DACH2: variants seen among roughly 807,000 people sequenced by gnomAD.
The protein encoded by DACH2 is dachshund family transcription factor 2.
In DACH2, 17 loss-of-function variants were observed where a neutral mutation model predicts 35.8. That is an observed-to-expected ratio of 0.48 (90% confidence interval 0.33 to 0.71). The LOEUF (loss-of-function observed/expected upper bound fraction) is 0.71. DACH2 is among the 30% of genes least tolerant of loss of function. The pLI is 0.02. For synonymous variants in DACH2, 195 were observed against 177.3 expected, an observed-to-expected ratio of 1.10 and a Z score of -0.79; for missense variants, 469 against 472.7, an observed-to-expected ratio of 0.99 and a Z score of 0.07.
chrX:86,294,345 T>G (rs938991659), intron 1 of DACH2, among the ~76,000 whole-genome samples: 1 of 110,121 alleles, frequency 9.1e-6, no homozygotes, highest in African/African-American at 3.3e-5. Flanking sequence ...TTCAAAGTTT[T>G]CAACTTCTTT....
intron 2 of DACH2, among the ~76,000 whole-genome samples, chrX:86,452,162 C>T (rs1217063976): frequency 9.0e-6 from 1 of 111,729 alleles, no homozygotes; most frequent in Admixed American, 9.5e-5. Flanking sequence ...AGCTTTGCAT[C>T]CCAGAGATAA....
intron 1 of DACH2, among the ~76,000 whole-genome samples, chrX:86,340,910 T>C (rs1279126791): frequency 1.8e-5 from 2 of 111,856 alleles, no homozygotes; most frequent in African/African-American, 3.2e-5. Flanking sequence ...ATTCTGTGAA[T>C]GCTGAGAGAG....
At chrX:86,312,316 T>C (rs1361234742) in intron 1 of DACH2, among the ~76,000 whole-genome samples, 2 of 112,064 alleles carry the variant, frequency 1.8e-5, no homozygotes, top group Non-Finnish European at 3.8e-5. Flanking sequence ...AGTATTTGGG[T>C]TGGGAATTGG....
At chrX:86,283,171 A>T (rs1424140931) in intron 1 of DACH2, among the ~76,000 whole-genome samples, 2 of 109,655 alleles carry the variant, frequency 1.8e-5, no homozygotes, top group Non-Finnish European at 3.8e-5. Context: ...AATCAAAACC[A>T]CAATGAAATA....
intron 4 of DACH2, among the ~76,000 whole-genome samples, chrX:86,660,606 G>T (rs1474658656): frequency 1.8e-5 from 2 of 111,577 alleles, no homozygotes; most frequent in South Asian, 7.4e-4. Context: ...GTAATTATTG[G>T]TATACACTAT....
intron 1 of DACH2, among the ~76,000 whole-genome samples, chrX:86,185,501 T>C (rs1182746565): frequency 1.8e-5 from 2 of 111,544 alleles, no homozygotes; most frequent in African/African-American, 6.5e-5. Flanking sequence ...ATATGCCTTT[T>C]AGTTTGCTAA....
At chrX:86,739,358 C>A (rs867294268) in intron 6 of DACH2, among the ~76,000 whole-genome samples, 1 of 99,063 alleles carries the variant, frequency 1.0e-5, no homozygotes, top group African/African-American at 3.3e-5. Context: ...TGGGAGTTCT[C>A]CTTCTTAATG....
chrX:86,820,920 C>T (rs1007498729), intron 11 of DACH2, among the ~76,000 whole-genome samples: 26 of 110,315 alleles, frequency 2.4e-4, no homozygotes, highest in Admixed American at 1.2e-3. Context: ...AAACAACTAC[C>T]CTTGGAATAG....
chrX:86,744,777 C>A (rs1184052346), intron 7 of DACH2, among the ~76,000 whole-genome samples: 1 of 111,475 alleles, frequency 9.0e-6, no homozygotes, highest in Non-Finnish European at 1.9e-5. Context: ...TCAAATAAAG[C>A]TTTTGATTTT....
At chrX:86,298,934 A>G (rs2034520378) in intron 1 of DACH2, among the ~76,000 whole-genome samples, 1 of 112,107 alleles carries the variant, frequency 8.9e-6, no homozygotes, top group Admixed American at 9.5e-5. Flanking sequence ...TGACTGTGAA[A>G]CTGTGCTGTT....
chrX:86,343,483 A>C lies in DACH2; in HGVS notation c.489-33341A>C, dbSNP rs567332261. 1.3e-4 allele frequency among the ~76,000 whole-genome samples: 14 copies of C among 111,800 alleles called. No homozygotes were observed. The South Asian group carries it at 4.1e-3, about 33-fold the overall frequency. On this transcript the variant is annotated intron_variant, in intron 1 of 11. Transcript: ENST00000373125. The stretch of plus-strand genomic sequence containing the variant: ...TGTGACTTAGAGTTTGAGAAATTAC[A>C]TGCATAGAGTCTTCTAATCATTTTC...
intron 1 of DACH2, among the ~76,000 whole-genome samples, chrX:86,181,385 T>C (rs976657561): frequency 9.0e-6 from 1 of 110,841 alleles, no homozygotes; most frequent in East Asian, 2.9e-4. Flanking sequence ...CCTCCCTGTG[T>C]TCATGTGTTC....
chrX:86,171,258 G>A (rs2031116400), intron 1 of DACH2, among the ~76,000 whole-genome samples: 2 of 110,760 alleles, frequency 1.8e-5, no homozygotes, highest in South Asian at 4.0e-4. Context: ...AAGGAAAGGG[G>A]TGTCTCTCAG....
At chrX:86,680,487 C>T (rs768208280) in intron 4 of DACH2, among the ~76,000 whole-genome samples, 3 of 111,496 alleles carry the variant, frequency 2.7e-5, no homozygotes, top group Admixed American at 9.6e-5. Flanking sequence ...TGTTGCCTAA[C>T]GTGTGTTGAA....
intron 1 of DACH2, among the ~76,000 whole-genome samples, chrX:86,265,444 T>A (rs1375885813): frequency 2.7e-5 from 3 of 111,778 alleles, no homozygotes; most frequent in Non-Finnish European, 5.6e-5. Flanking sequence ...ACAGAAAACA[T>A]TATTTATTTT....
intron 7 of DACH2, among the ~76,000 whole-genome samples, chrX:86,755,675 G>A (rs2041821086): frequency 9.9e-6 from 1 of 100,504 alleles, no homozygotes; most frequent in African/African-American, 3.8e-5. Flanking sequence ...TCGGCTCACT[G>A]CAAGCTCTGC....
intron 7 of DACH2, among the ~76,000 whole-genome samples, chrX:86,800,377 A>T (rs1237825555): frequency 8.9e-6 from 1 of 112,005 alleles, no homozygotes; most frequent in African/African-American, 3.2e-5. Context: ...GATGGGGAAG[A>T]GGCAGCATTA....
rs148548078 is a variant in DACH2, at chrX:86,348,876, G to A, written c.489-27948G>A. ...GTGTCCCGCTGCTCATAACCCCTAG[G>A]GGGAGCAGGCAGACGGGCAGGTTGT... On this transcript the variant is annotated intron_variant, in intron 1 of 11. Coordinates refer to ENST00000373125, the MANE Select transcript of DACH2 (RefSeq NM_053281.3). 3.1e-3 allele frequency among the ~76,000 whole-genome samples: 354 copies of A among 112,540 alleles called. 1 individual carries two copies. The highest frequency in any genetic ancestry group is 9.3e-3 in the Middle Eastern group (2 of 215).
At chrX:86,314,463 A>C (rs2034858928) in intron 1 of DACH2, among the ~76,000 whole-genome samples, 1 of 110,964 alleles carries the variant, frequency 9.0e-6, no homozygotes, top group African/African-American at 3.3e-5. Flanking sequence ...GGCTGCAGTG[A>C]GCCATGAGTG....
Sources: gnomAD v4.1 joint callset for allele counts (sites outside exome capture counted in the v4.1 genomes callset) on GRCh38, gnomAD v4.1.1 for gene constraint, MANE v1.5 for transcripts, NCBI Gene and HGNC (gene_info 2026-07-23, HGNC 2026-07-21) for gene names.